The following PIP5K1B variants were observed in gnomAD, a reference collection of about 807,000 sequenced individuals.
PIP5K1B encodes the protein phosphatidylinositol 4-phosphate 5-kinase type-1 beta.
PIP5K1B carries 42 observed loss-of-function variants against 67.0 expected under a neutral mutation model. The ratio of observed to expected loss-of-function variants is 0.63; its 90% CI spans 0.49 to 0.81. The LOEUF (loss-of-function observed/expected upper bound fraction) is 0.81. PIP5K1B is among the 30% of genes least tolerant of loss of function. PIP5K1B has a pLI of 0.00. For synonymous variants in PIP5K1B, 214 were observed against 231.4 expected, an observed-to-expected ratio of 0.92 and a Z score of 0.68; for missense variants, 459 against 646.3, an observed-to-expected ratio of 0.71 and a Z score of 3.14.
At chr9:68,734,991 A>G (rs1222695928) in intron 1 of PIP5K1B, among the ~76,000 whole-genome samples, 3 of 152,226 alleles carry the variant, frequency 2.0e-5, no homozygotes, top group Non-Finnish European at 4.4e-5. Flanking sequence ...TATTTTTGTC[A>G]CTTTTCAGAA....
intron 2 of PIP5K1B, among the ~76,000 whole-genome samples, chr9:68,817,265 C>A (rs530948825): frequency 3.9e-5 from 6 of 152,296 alleles, no homozygotes; most frequent in East Asian, 1.9e-4. Flanking sequence ...CAGGCACTCA[C>A]CATGCACATT....
chr9:68,708,651 A>G (rs1464943808), intron 1 of PIP5K1B, among the ~76,000 whole-genome samples: 2 of 151,508 alleles, frequency 1.3e-5, no homozygotes, highest in Non-Finnish European at 2.9e-5. Context: ...GAAACCAACC[A>G]TTCTGTTTTT....
chr9:68,915,868 T>C (rs1410606140), intron 8 of PIP5K1B, among the ~76,000 whole-genome samples: 1 of 152,242 alleles, frequency 6.6e-6, no homozygotes, highest in African/African-American at 2.4e-5. Context: ...CAAAGATGCC[T>C]GTAATACAGA....
intron 14 of PIP5K1B, among the ~76,000 whole-genome samples, chr9:68,967,685 G>A (rs944109527): frequency 2.6e-5 from 4 of 152,170 alleles, no homozygotes; most frequent in African/African-American, 9.7e-5. Context: ...CTTTCATCAA[G>A]CTTGCTTCTA....
intron 2 of PIP5K1B, among the ~76,000 whole-genome samples, chr9:68,786,543 T>C (rs1354558138): frequency 6.6e-6 from 1 of 152,078 alleles, no homozygotes; most frequent in Non-Finnish European, 1.5e-5. Flanking sequence ...TGCTTTATTT[T>C]ACTAGTGCTG....
At chr9:68,910,968 A>G (rs924332542) in intron 8 of PIP5K1B, among the ~76,000 whole-genome samples, 3 of 152,238 alleles carry the variant, frequency 2.0e-5, no homozygotes, top group East Asian at 1.9e-4. Flanking sequence ...AGGACTTTCT[A>G]TGTCAAATTG....
rs59844836 is a variant in PIP5K1B at position 68,981,797 on chromosome 9, C to CT, written c.1503-9330dup. Among the ~76,000 whole-genome samples, 809 of 147,086 alleles carry CT rather than the reference C, an allele frequency of 5.5e-3. 2 individuals carry two copies. The highest frequency in any genetic ancestry group is 0.011 in the Middle Eastern group (3 of 284). On this transcript the variant is annotated intron_variant, in intron 14 of 15. Coordinates refer to ENST00000265382, the MANE Select transcript of PIP5K1B (RefSeq NM_003558.4). ...TAATGTTGCTGATAACCAAAAGAAT[C>CT]TTTTTTTTTTTTTCTGTAAATGACA... is the stretch of plus-strand genomic sequence containing the variant.
At chr9:68,826,709 C>A (rs773941636) in intron 4 of PIP5K1B, among the ~76,000 whole-genome samples, 1 of 152,102 alleles carries the variant, frequency 6.6e-6, no homozygotes, top group Non-Finnish European at 1.5e-5. Flanking sequence ...AAATCTTGAC[C>A]CAAATCGGTG....
At chr9:68,758,346 A>G (rs1255176215) in intron 2 of PIP5K1B, among the ~76,000 whole-genome samples, 1 of 152,220 alleles carries the variant, frequency 6.6e-6, no homozygotes, top group Non-Finnish European at 1.5e-5. Context: ...AGCTCTTACA[A>G]AAATGCTCAA....
chr9:68,888,083 ATTC>A (rs1434153716), intron 6 of PIP5K1B, among the ~76,000 whole-genome samples: 1 of 151,350 alleles, frequency 6.6e-6, no homozygotes, highest in Non-Finnish European at 1.5e-5. Flanking sequence ...GGTTCAAGCA[ATTC>A]TTCTGCCTCA....
chr9:68,788,744 C>T, intron 2 of PIP5K1B: 1 of 271,986 alleles, frequency 3.7e-6, no homozygotes, highest in South Asian at 4.7e-5. Context: ...TGGTGACTAT[C>T]ACTCCCTCTG....
chr9:68,923,733 G>A (rs898568973), intron 12 of PIP5K1B, among the ~76,000 whole-genome samples: 7 of 152,118 alleles, frequency 4.6e-5, no homozygotes, highest in African/African-American at 1.7e-4. Context: ...GTAGTTATCA[G>A]TCTGTATACC....
At chr9:68,743,592 T>C (rs1028828457) in intron 2 of PIP5K1B, among the ~76,000 whole-genome samples, 1 of 149,476 alleles carries the variant, frequency 6.7e-6, no homozygotes, top group Non-Finnish European at 1.5e-5. Flanking sequence ...GTAGATTTGG[T>C]AAGCAATATT....
At position 68,935,007 on chromosome 9, in the gene PIP5K1B, T is replaced by C. The variant is rs1444199537; in HGVS notation, c.1319T>C (p.Leu440Pro). Reference protein sequence around the residue: ...QEWKDEKRDLLTEGQSFSSLD... With the variant: ...QEWKDEKRDLPTEGQSFSSLD... ...TGGAAGGATGAGAAGCGGGATTTGC[T>C]GACTGAAGGACAAAGTTTTAGCAGC... Residue 440 changes from leucine (L) to proline (P), a missense_variant, in exon 13 of 16, where the codon CTG becomes CCG. This residue lies in a region of PIP5K1B where 169 missense variants were observed against 171.9 expected (regional missense o/e 0.98). Transcript: ENST00000265382. 1 of 1,613,638 alleles carries C rather than the reference T, an allele frequency of 6.2e-7. No homozygotes were observed.
chr9:68,787,940 A>G (rs1831723130), intron 2 of PIP5K1B, among the ~76,000 whole-genome samples: 1 of 152,178 alleles, frequency 6.6e-6, no homozygotes, highest in Admixed American at 6.5e-5. Context: ...GCCTCTTTCT[A>G]ATCTTTCTAC....
In PIP5K1B at chr9:68,972,417, G is replaced by T. The variant is rs889674805; in HGVS notation, c.1503-18723G>T. ...TAATAATGGGCGATCGAGGCGGGTG[G>T]ATCACCTGAGGTCAGGAGTTCAAGA... On this transcript the variant is annotated intron_variant, in intron 14 of 15. Coordinates refer to ENST00000265382, the MANE Select transcript of PIP5K1B (RefSeq NM_003558.4). Among the ~76,000 whole-genome samples the T allele has an allele frequency of 6.6e-4, 101 of 152,230 alleles. 2 individuals are homozygous for T. Among genetic ancestry groups the T allele is most frequent in the Admixed American group, 4.8e-3 (73 of 15,296 alleles).
At chr9:68,836,335 A>G (rs375268942) in intron 4 of PIP5K1B, among the ~76,000 whole-genome samples, 29 of 152,310 alleles carry the variant, frequency 1.9e-4, no homozygotes, top group African/African-American at 6.7e-4. Flanking sequence ...TTAAGATTAC[A>G]AATTAGAGGG....
rs77154581 is a variant in PIP5K1B, at chr9:68,916,255, A to G, written c.772-1293A>G. The stretch of plus-strand genomic sequence containing the variant: ...AGGGGAGAATCATATACAGACTAGT[A>G]GAAAAAGAACTTTATCATAGAGGAA... On this transcript the variant is annotated intron_variant, in intron 8 of 15. Coordinates refer to ENST00000265382, the MANE Select transcript of PIP5K1B (RefSeq NM_003558.4). Among the ~76,000 whole-genome samples, 3 of 152,302 alleles carry G rather than the reference A, an allele frequency of 2.0e-5. No homozygotes were observed. In the East Asian group the frequency reaches 5.8e-4, roughly 29 times the overall value.
intron 2 of PIP5K1B, among the ~76,000 whole-genome samples, chr9:68,771,277 C>T (rs1420917664): frequency 6.6e-6 from 1 of 152,208 alleles, no homozygotes; most frequent in Admixed American, 6.5e-5. Flanking sequence ...AGGGCATTTA[C>T]TAATTGCTTA....
Sources: allele counts gnomAD v4.1 joint callset (sites outside exome capture counted in the v4.1 genomes callset), GRCh38; gene constraint gnomAD v4.1.1; regional missense constraint gnomAD v4.1.1; transcripts MANE v1.5; gene names NCBI Gene and HGNC (gene_info 2026-07-23, HGNC 2026-07-21).